Variants in GNAT3 observed in about 807,000 individuals in gnomAD.
GNAT3 encodes the protein guanine nucleotide-binding protein G(t) subunit alpha-3.
Under a neutral mutation model 37.7 loss-of-function variants are expected in GNAT3, and 31 were observed. The ratio of observed to expected loss-of-function variants is 0.82; its 90% CI spans 0.62 to 1.11. The LOEUF is 1.11. GNAT3 is among the 50% of genes most tolerant of loss of function. The pLI is 0.00. For synonymous variants in GNAT3, 138 were observed against 139.8 expected (o/e 0.99, Z 0.09); for missense variants, 437 against 412.5 (o/e 1.06, Z -0.51).
chr7:80,474,411 T>TACAC, intron 4 of GNAT3, 32 bp from the exon 5 acceptor site: 46 of 1,022,742 alleles, frequency 4.5e-5, no homozygotes, highest in Non-Finnish European at 5.8e-5. Context: ...TATATATGTG[T>TACAC]ATATATAATA....
intron 2 of GNAT3, among the ~76,000 whole-genome samples, chr7:80,489,281 T>C (rs1790547732): frequency 6.6e-6 from 1 of 152,178 alleles, no homozygotes; most frequent in Non-Finnish European, 1.5e-5. Flanking sequence ...TACCTTCCAC[T>C]CATTCAGCCA....
chr7:80,464,047 A>T (rs1790095588), intron 5 of GNAT3, among the ~76,000 whole-genome samples: 1 of 151,806 alleles, frequency 6.6e-6, no homozygotes, highest in East Asian at 1.9e-4. Flanking sequence ...TATGCCAGGC[A>T]CCAAGGATTC....
In GNAT3 at chr7:80,484,068, A is replaced by G. The variant is rs549711555; in HGVS notation, c.303+4467T>C. ...TACATGTGCTATGGTGGTTTCCTGC[A>G]CCTATCAACTCATCTTCATTCTCTT... On this transcript the variant is annotated intron_variant, in intron 3 of 7. Coordinates refer to ENST00000398291, the MANE Select transcript of GNAT3 (RefSeq NM_001102386.3). 2.3e-4 allele frequency among the ~76,000 whole-genome samples: 35 copies of G among 152,196 alleles called. 2 individuals carry two copies. Among genetic ancestry groups the G allele is most frequent in the African/African-American group, 7.9e-4 (33 of 41,552 alleles).
chr7:80,481,272 C>T (rs543007335), intron 3 of GNAT3, among the ~76,000 whole-genome samples: 9 of 152,198 alleles, frequency 5.9e-5, no homozygotes, highest in African/African-American at 2.2e-4. Context: ...TTCTAAGTCC[C>T]CCAAGCAACA....
chr7:80,480,033 A>G (rs554115116), intron 3 of GNAT3, among the ~76,000 whole-genome samples: 2 of 152,320 alleles, frequency 1.3e-5, no homozygotes, highest in East Asian at 1.9e-4. Context: ...TTACTGAGTA[A>G]ATACTATAGT....
At chr7:80,511,364 A>G (rs138082154) in intron 1 of GNAT3, among the ~76,000 whole-genome samples, 1,526 of 152,270 alleles carry the variant, frequency 0.01, 19 homozygotes, top group Non-Finnish European at 0.017. Context: ...TTGATTTTTA[A>G]CTATACAAGT....
intron 5 of GNAT3, among the ~76,000 whole-genome samples, chr7:80,471,199 T>C (rs1011588041): frequency 6.7e-6 from 1 of 150,286 alleles, no homozygotes; most frequent in Non-Finnish European, 1.5e-5. Flanking sequence ...CTTTTCACAT[T>C]TTTCTGCTTG....
intron 3 of GNAT3, among the ~76,000 whole-genome samples, chr7:80,486,895 C>G (rs887992556): frequency 6.6e-6 from 1 of 152,018 alleles, no homozygotes; most frequent in Non-Finnish European, 1.5e-5. Context: ...TTCTCTGACA[C>G]AAATGCATGG....
chr7:80,498,759 G>C (rs1345805863), intron 1 of GNAT3, among the ~76,000 whole-genome samples: 3 of 151,958 alleles, frequency 2.0e-5, no homozygotes, highest in Non-Finnish European at 2.9e-5. Flanking sequence ...TCTGGGTCAA[G>C]GGGTACCAAG....
chr7:80,511,866 T>C lies in GNAT3; in HGVS notation c.61A>G (p.Lys21Glu). Residue 21 changes from lysine (K) to glutamate (E), a missense_variant, in exon 1 of 8, where the codon AAA becomes GAA. By Grantham distance (56) the Lys-to-Glu change is moderately conservative. Transcript: ENST00000398291. Reference protein sequence around the residue: ...ESAKRSKELEKKLQEDAERDA... With the variant: ...ESAKRSKELEEKLQEDAERDA... ...CGCTCAGCATCCTCCTGAAGCTTTT[T>C]CTCCAGTTCTTTTGATCTTTTGGCT... 6.2e-7 allele frequency: 1 copy of C among 1,612,548 alleles called. No individual in the cohort carries two copies. The highest frequency in any genetic ancestry group is 8.5e-7 in the Non-Finnish European group (1 of 1,179,086).
At chr7:80,464,078 C>T (rs1283849401) in intron 5 of GNAT3, among the ~76,000 whole-genome samples, 1 of 151,552 alleles carries the variant, frequency 6.6e-6, no homozygotes, top group Non-Finnish European at 1.5e-5. Flanking sequence ...AGCTTTTAAA[C>T]TGGTGGTGAT....
At chr7:80,504,676 T>C (rs1790899945) in intron 1 of GNAT3, among the ~76,000 whole-genome samples, 1 of 152,118 alleles carries the variant, frequency 6.6e-6, no homozygotes, top group Admixed American at 6.6e-5. Context: ...TTTTAAGATA[T>C]GAAAGGTGAT....
chr7:80,476,947 G>A (rs575335941), intron 4 of GNAT3, among the ~76,000 whole-genome samples: 160 of 152,030 alleles, frequency 1.1e-3, no homozygotes, highest in African/African-American at 3.7e-3. Flanking sequence ...TTCTGTTGTT[G>A]TTCTATTGCA....
At chr7:80,464,411 G>A (rs1240939694) in intron 5 of GNAT3, among the ~76,000 whole-genome samples, 2 of 152,050 alleles carry the variant, frequency 1.3e-5, no homozygotes, top group African/African-American at 4.8e-5. Context: ...TCAGGAGTGA[G>A]CCTCATGTGA....
chr7:80,480,626 G>C (rs1562725120), intron 3 of GNAT3, among the ~76,000 whole-genome samples: 2 of 152,144 alleles, frequency 1.3e-5, no homozygotes, highest in Non-Finnish European at 2.9e-5. Context: ...GTTTCTTGAT[G>C]ATATGCTAAA....
chr7:80,479,920 C>A (rs1196236336), intron 3 of GNAT3, among the ~76,000 whole-genome samples: 2 of 151,996 alleles, frequency 1.3e-5, no homozygotes, highest in Non-Finnish European at 2.9e-5. Flanking sequence ...TGGAACAAAT[C>A]AGTAGGACAG....
intron 1 of GNAT3, among the ~76,000 whole-genome samples, chr7:80,497,397 A>G (rs1790736106): frequency 6.6e-6 from 1 of 152,022 alleles, no homozygotes; most frequent in Non-Finnish European, 1.5e-5. Flanking sequence ...CACTTTGGGA[A>G]AAGTCATACA....
At chr7:80,479,528 T>C (rs936204159) in intron 3 of GNAT3, among the ~76,000 whole-genome samples, 2 of 151,828 alleles carry the variant, frequency 1.3e-5, no homozygotes, top group Non-Finnish European at 2.9e-5. Flanking sequence ...GAGACCAGCC[T>C]GGGCAACATG....
intron 1 of GNAT3, among the ~76,000 whole-genome samples, chr7:80,506,986 A>C (rs2116232843): frequency 6.6e-6 from 1 of 152,208 alleles, no homozygotes; most frequent in African/African-American, 2.4e-5. Context: ...TGTTTAAAAT[A>C]AAAAGGTACT....
Sources: gnomAD v4.1 joint callset for allele counts (sites outside exome capture counted in the v4.1 genomes callset) on GRCh38, gnomAD v4.1.1 for gene constraint, MANE v1.5 for transcripts, NCBI Gene and HGNC (gene_info 2026-07-23, HGNC 2026-07-21) for gene names.